AKAP12: variants seen among roughly 807,000 people sequenced by gnomAD.
AKAP12 encodes A-kinase anchoring protein 12, also known as A-kinase anchor protein 12.
AKAP12 carries 32 observed loss-of-function variants against 79.9 expected under a neutral mutation model. That is an observed-to-expected ratio of 0.40 (90% CI 0.30 to 0.54). The LOEUF is 0.54. Among genes scored for constraint, AKAP12 ranks in the 20% least tolerant of loss-of-function variants. AKAP12 has a pLI of 0.48. For synonymous variants in AKAP12, 808 were observed against 857.0 expected, an observed-to-expected ratio of 0.94 and a Z score of 1.00; for missense variants, 2,074 against 2,177.0, an observed-to-expected ratio of 0.95 and a Z score of 0.94.
intron 3 of AKAP12, chr6:151,348,478 A>T (rs908137477): frequency 8.1e-5 from 48 of 593,002 alleles, no homozygotes; most frequent in Non-Finnish European, 1.4e-4. Flanking sequence ...ATCTCTACAG[A>T]AAATAAAAAA....
intron 2 of AKAP12, among the ~76,000 whole-genome samples, chr6:151,249,965 G>A (rs943433052): frequency 6.6e-6 from 1 of 152,132 alleles, no homozygotes; most frequent in Non-Finnish European, 1.5e-5. Context: ...CTCACACCTG[G>A]TGGGCATGGT....
chr6:151,265,146 G>A (rs200468251), intron 2 of AKAP12, among the ~76,000 whole-genome samples: 42 of 144,654 alleles, frequency 2.9e-4, no homozygotes, highest in East Asian at 1.2e-3. Context: ...GCGAGACTCC[G>A]TCTCAAAAAA....
At chr6:151,258,528 C>A (rs1474921326) in intron 2 of AKAP12, among the ~76,000 whole-genome samples, 1 of 152,112 alleles carries the variant, frequency 6.6e-6, no homozygotes, top group East Asian at 1.9e-4. Flanking sequence ...TTTGTAAAAC[C>A]TAAAAATCAA....
At chr6:151,274,187 T>C (rs1776248789) in intron 2 of AKAP12, among the ~76,000 whole-genome samples, 1 of 151,840 alleles carries the variant, frequency 6.6e-6, no homozygotes, top group Non-Finnish European at 1.5e-5. Context: ...TCCTGTCACC[T>C]CAGCCTCCCA....
At chr6:151,275,421 GA>G (rs1200903025) in intron 2 of AKAP12, among the ~76,000 whole-genome samples, 1 of 151,982 alleles carries the variant, frequency 6.6e-6, no homozygotes, top group East Asian at 1.9e-4. Context: ...TTTCCATCTA[GA>G]AAAGGGGAAA....
chr6:151,333,002 T>G (rs1777715905), intron 3 of AKAP12, among the ~76,000 whole-genome samples: 1 of 152,114 alleles, frequency 6.6e-6, no homozygotes, highest in African/African-American at 2.4e-5. Flanking sequence ...AAAAGACCAC[T>G]CCAAAATCAG....
chr6:151,290,576 C>T (rs1776596048), intron 2 of AKAP12, among the ~76,000 whole-genome samples: 1 of 152,114 alleles, frequency 6.6e-6, no homozygotes, highest in South Asian at 2.1e-4. Context: ...CTCCCATCCC[C>T]CTCACTGATG....
chr6:151,258,785 C>T (rs2114694713), intron 2 of AKAP12, among the ~76,000 whole-genome samples: 1 of 151,526 alleles, frequency 6.6e-6, no homozygotes. Flanking sequence ...TGTGCTGCTA[C>T]ACCAGCTAAT....
chr6:151,358,301 T>C lies in AKAP12; in HGVS notation c.*2587T>C, dbSNP rs915974155. 1 of 152,208 alleles carries C rather than the reference T, an allele frequency of 6.6e-6. No homozygotes were observed. The highest frequency in any genetic ancestry group is 1.5e-5 in the Non-Finnish European group (1 of 68,034). 9.4% of individuals were successfully genotyped at this position (152,208 alleles called of 1,614,324 possible). A position where few individuals can be genotyped will look rare whatever the true frequency, so the allele number is the denominator to read the frequency against. Reference sequence around the variant, plus strand: ...CACCACTTCTTGTAATATCAAATGTTCCCCCTCAGGTTATTTTGCTTATGG... The same window carrying C: ...CACCACTTCTTGTAATATCAAATGTCCCCCCTCAGGTTATTTTGCTTATGG... On this transcript the variant is annotated 3_prime_UTR_variant, in exon 5 of 5. Transcript: ENST00000402676.
At position 151,350,930 on chromosome 6, in the gene AKAP12, G is replaced by A. The variant is rs777932800; in HGVS notation, c.2539G>A (p.Val847Ile). The A allele has an allele frequency of 1.2e-6, 2 of 1,614,054 alleles. 1 individual carries two copies. Among genetic ancestry groups the A allele is most frequent in the South Asian group, 2.2e-5 (2 of 91,062 alleles). ...AGATGACTCTGATGTCCCGGCCGTG[G>A]TCCCTCTGTCTGAGTATGATGCTGT... is the stretch of plus-strand genomic sequence containing the variant. ...NEDDSDVPAV[V>I]PLSEYDAVER... Residue 847 changes from valine to isoleucine, a missense_variant, in exon 4 of 5, where the codon GTC becomes ATC. This residue lies in a region of AKAP12 where 1,428 missense variants were observed against 1,451.0 expected (regional missense o/e 0.98). Coordinates refer to ENST00000402676, the MANE Select transcript of AKAP12 (RefSeq NM_005100.4). This position sits in a 1 kb window ranked among gnomAD's most constrained non-coding sequence, Gnocchi z 4.8.
intron 2 of AKAP12, among the ~76,000 whole-genome samples, chr6:151,295,013 G>C (rs1020750164): frequency 1.3e-5 from 2 of 152,192 alleles, no homozygotes; most frequent in African/African-American, 4.8e-5. Flanking sequence ...GTCTGCGTCA[G>C]AGTTTCCCAA....
chr6:151,332,033 G>GTTTTTTTTTTTTTT (rs71014573), intron 3 of AKAP12, among the ~76,000 whole-genome samples: 2 of 79,690 alleles, frequency 2.5e-5, no homozygotes, highest in African/African-American at 1.1e-4. Context: ...TTCTGGGTCT[G>GTTTTTTTTTTTTTT]TTTTTTTTTT....
chr6:151,284,963 A>G (rs1023836115), intron 2 of AKAP12, among the ~76,000 whole-genome samples: 2 of 152,224 alleles, frequency 1.3e-5, no homozygotes, highest in African/African-American at 4.8e-5. Context: ...GGCTTTGGAG[A>G]GTGAACTTGG....
chr6:151,321,957 G>A (rs1433201980), intron 3 of AKAP12, among the ~76,000 whole-genome samples: 1 of 140,032 alleles, frequency 7.1e-6, no homozygotes, highest in African/African-American at 2.8e-5. Flanking sequence ...CGCCCAGGCT[G>A]GAGTGCAGTG....
At position 151,349,022 on chromosome 6, in the gene AKAP12, G is replaced by A; in HGVS notation, c.631G>A (p.Gly211Arg). 1 of 1,613,318 alleles carries A rather than the reference G, an allele frequency of 6.2e-7. No homozygotes were observed. Residue 211 changes from glycine (G) to arginine (R), a missense_variant, in exon 4 of 5, where the codon GGG (glycine) becomes AGG (arginine). By Grantham distance (125) the Gly-to-Arg change is moderately radical. Coordinates refer to ENST00000402676, the MANE Select transcript of AKAP12 (RefSeq NM_005100.4). ...GAAAGATGAAGGGGAGGGAGCAGCAGGGGCTGGCGACCACAAGGACCCCAG... is the reference window on the plus strand; with the variant it reads ...GAAAGATGAAGGGGAGGGAGCAGCAAGGGCTGGCGACCACAAGGACCCCAG... ...VKKDEGEGAA[G>R]AGDHKDPSLG...
At chr6:151,336,317 G>A (rs543198743) in intron 3 of AKAP12, among the ~76,000 whole-genome samples, 4 of 152,270 alleles carry the variant, frequency 2.6e-5, no homozygotes, top group East Asian at 3.9e-4. Flanking sequence ...TGGTAGTTCT[G>A]TTTTTTGTTC....
chr6:151,334,190 T>TA (rs1472618214), intron 3 of AKAP12, among the ~76,000 whole-genome samples: 2 of 152,166 alleles, frequency 1.3e-5, no homozygotes, highest in African/African-American at 4.8e-5. Flanking sequence ...GATAGGGAGT[T>TA]AACTTGAGAC....
chr6:151,348,678 T>TCTCCC, intron 3 of AKAP12, 33 bp from the exon 4 acceptor site: 1 of 374,898 alleles, frequency 2.7e-6, no homozygotes, highest in Non-Finnish European at 5.3e-6. Flanking sequence ...CCTTTTCTCT[T>TCTCCC]CTCCCCACCC....
chr6:151,311,513 C>A (rs1442407583), intron 3 of AKAP12, among the ~76,000 whole-genome samples: 1 of 152,088 alleles, frequency 6.6e-6, no homozygotes, highest in Admixed American at 6.6e-5. Context: ...GTGATCACAC[C>A]CCCCACCCCC....
Sources: allele counts gnomAD v4.1 joint callset (sites outside exome capture counted in the v4.1 genomes callset), GRCh38; gene constraint gnomAD v4.1.1; regional missense constraint gnomAD v4.1.1; non-coding constraint Gnocchi (gnomAD v3.1); transcripts MANE v1.5; gene names NCBI Gene and HGNC (gene_info 2026-07-23, HGNC 2026-07-21).